The following TRPA1 variants were observed in gnomAD, a reference collection of about 807,000 sequenced individuals.
The protein encoded by TRPA1 is ankyrin-like with transmembrane domains 1.
TRPA1 carries 129 observed loss-of-function variants against 131.3 expected under a neutral mutation model. The observed-to-expected ratio is 0.98, with a 90% confidence interval of 0.85 to 1.14. The LOEUF (loss-of-function observed/expected upper bound fraction) is 1.14. Ranked by LOEUF, TRPA1 falls within the 50% of genes most tolerant of loss-of-function variation. The pLI is 0.00. For missense variants in TRPA1, 1,304 were observed against 1,354.2 expected, an observed-to-expected ratio of 0.96 and a Z score of 0.58; for synonymous variants, 441 against 451.7, an observed-to-expected ratio of 0.98 and a Z score of 0.30.
rs1251798374 is a variant in TRPA1 at position 72,057,956 on chromosome 8, A to G, written c.994-140T>C. ...ACTGAACCATACGACTAGTTATAGA[A>G]TTATTTGAAAGTTTCCCATAGTTCA... On this transcript the variant is annotated intron_variant, in intron 8 of 26. Coordinates refer to ENST00000262209, the MANE Select transcript of TRPA1 (RefSeq NM_007332.3). The G allele has an allele frequency of 7.5e-6, 5 of 664,672 alleles. No homozygotes were observed. In the African/African-American group the frequency reaches 9.1e-5, roughly 12 times the overall value. 41.2% of individuals were successfully genotyped at this position (664,672 alleles called of 1,614,324 possible).
chr8:72,040,812 CA>C (rs1424485987), intron 17 of TRPA1, among the ~76,000 whole-genome samples: 1 of 151,970 alleles, frequency 6.6e-6, no homozygotes, highest in Non-Finnish European at 1.5e-5. Flanking sequence ...GAAAAAGAGA[CA>C]AAAAGTCTAC....
Position 72,063,515 on chromosome 8 carries a change from G to T in TRPA1, c.609C>A (p.His203Gln). Residue 203 changes from histidine to glutamine, a missense_variant, in exon 5 of 27, where the codon CAC becomes CAA. By Grantham distance (24) the His-to-Gln change is conservative (BLOSUM62 0). Transcript: ENST00000262209. ...KSNKWGCFPI[H>Q]QAAFSGSKEC... ...CTTTGGAACCTGAAAATGCAGCTTG[G>T]TGAATAGGGAAACATCCCCATTTAT... 6.2e-7 allele frequency: 1 copy of T among 1,613,860 alleles called. No homozygotes were observed. The highest frequency in any genetic ancestry group is 8.5e-7 in the Non-Finnish European group (1 of 1,179,894).
intron 22 of TRPA1, among the ~76,000 whole-genome samples, 180 bp from the exon 23 acceptor site, chr8:72,034,006 C>G (rs899138051): frequency 2.6e-5 from 4 of 152,114 alleles, no homozygotes; most frequent in Admixed American, 1.3e-4. Flanking sequence ...AATATGTTAT[C>G]TGCATAAATA....
rs1554539977 is a variant in TRPA1 at position 72,071,834 on chromosome 8, T to C, written c.145A>G (p.Asn49Asp). The change falls in exon 2 of 27, where the codon AAC (asparagine) becomes GAC (aspartate). Residue 49 changes from asparagine to aspartate, a missense_variant. By Grantham distance (23) the Asn-to-Asp change is conservative. Transcript: ENST00000262209. ...TTTAATTTCTTTTGCTTATTAAAGTTTTGTAATCCATATGCACTTCCTTCA... is the reference window on the plus strand; with the variant it reads ...TTTAATTTCTTTTGCTTATTAAAGTCTTGTAATCCATATGCACTTCCTTCA... ...VFEGSAYGLQ[N>D]FNKQKKLKRC... 1.9e-6 allele frequency: 3 copies of C among 1,612,394 alleles called. No individual in the cohort carries two copies. The highest frequency in any genetic ancestry group is 8.5e-7 in the Non-Finnish European group (1 of 1,179,804).
intron 5 of TRPA1, 30 bp from the exon 6 acceptor site, chr8:72,062,974 A>T (rs1250380827): frequency 6.3e-7 from 1 of 1,584,410 alleles, no homozygotes; most frequent in Admixed American, 1.7e-5. Flanking sequence ...TCAACATAAC[A>T]AATATATAAA....
Position 72,065,521 on chromosome 8 carries a change from T to G in TRPA1, c.482A>C (p.Glu161Ala). The change falls in exon 4 of 27, where the codon GAA becomes GCA. Residue 161 changes from glutamate (E) to alanine (A), a missense_variant. Glu to Ala is a moderately radical substitution (Grantham distance 107, BLOSUM62 -1). Transcript: ENST00000262209. ...CACAGCTGTGTTTCCATTTTCTCCT[T>G]CCAAATTAACATCAATAGTTCTATG... is the stretch of plus-strand genomic sequence containing the variant. ...LEHRTIDVNL[E>A]GENGNTAVII... The G allele has an allele frequency of 6.2e-6, 10 of 1,613,492 alleles. No individual in the cohort carries two copies. The highest frequency in any genetic ancestry group is 8.5e-6 in the Non-Finnish European group (10 of 1,179,662).
chr8:72,038,785 T>G, intron 19 of TRPA1, 80 bp downstream of exon 19: 1 of 1,241,854 alleles, frequency 8.1e-7, no homozygotes, highest in Non-Finnish European at 1.1e-6. Flanking sequence ...ATATGTCAGA[T>G]TTATTATGGG....
chr8:72,049,151 C>T (rs1218239278), intron 15 of TRPA1, among the ~76,000 whole-genome samples: 2 of 92,002 alleles, frequency 2.2e-5, no homozygotes, highest in Non-Finnish European at 4.4e-5. Context: ...ACAGGAAGTC[C>T]TTGTTCAATA....
upstream of TRPA1, among the ~76,000 whole-genome samples, chr8:72,079,511 C>T (rs1291797047): frequency 6.6e-6 from 1 of 151,958 alleles, no homozygotes; most frequent in Non-Finnish European, 1.5e-5. Flanking sequence ...AATCAATTGA[C>T]TACAAATGTA....
intron 13 of TRPA1, chr8:72,053,270 T>C (rs1410427798): frequency 9.8e-6 from 2 of 203,538 alleles, no homozygotes; most frequent in African/African-American, 4.7e-5. Context: ...GTTTCTCCAC[T>C]TAAAGACTTT....
intron 24 of TRPA1, among the ~76,000 whole-genome samples, chr8:72,027,944 C>T (rs1452879102): frequency 2.0e-5 from 3 of 152,154 alleles, no homozygotes; most frequent in Non-Finnish European, 4.4e-5. Flanking sequence ...CCCACTGACA[C>T]TTTAGTTCAG....
At chr8:72,087,951 C>T in the TRPA1 span, among the ~76,000 whole-genome samples, 3 of 152,212 alleles carry the variant, frequency 2.0e-5, no homozygotes, top group African/African-American at 7.2e-5. Flanking sequence ...ATTCTGGGAA[C>T]AGGAGCTCCT....
rs774126077 is a variant in TRPA1, at chr8:72,061,411, G to A, written c.944+214C>T. Among the ~76,000 whole-genome samples the A allele has an allele frequency of 5.9e-5, 9 of 152,258 alleles. No homozygotes were observed. In the East Asian group the frequency reaches 1.7e-3, roughly 29 times the overall value. On this transcript the variant is annotated intron_variant, in intron 7 of 26. Coordinates refer to ENST00000262209, the MANE Select transcript of TRPA1 (RefSeq NM_007332.3). ...GGACTTGAATCAGAATATGCCACAG[G>A]TGATTTTATTTTGTGAAATTTCTTT...
At chr8:72,054,460 A>T (rs1386627379) in intron 12 of TRPA1, 1 of 153,762 alleles carries the variant, frequency 6.5e-6, no homozygotes, top group African/African-American at 2.4e-5. Context: ...TTCAAGATGT[A>T]AATACAACAA....
intron 12 of TRPA1, chr8:72,054,632 C>T (rs1805614667): frequency 6.6e-6 from 1 of 152,454 alleles, no homozygotes; most frequent in Admixed American, 6.5e-5. Context: ...GGGTCTACTT[C>T]GGTCCCCTTT....
intron 6 of TRPA1, among the ~76,000 whole-genome samples, 156 bp from the exon 7 acceptor site, chr8:72,061,917 T>C (rs867974395): frequency 1.3e-5 from 2 of 152,206 alleles, no homozygotes; most frequent in Admixed American, 6.5e-5. Context: ...TAGATATTCC[T>C]TGATTTTATG....
chr8:72,042,601 A>G (rs566589771), intron 17 of TRPA1, among the ~76,000 whole-genome samples: 17 of 152,050 alleles, frequency 1.1e-4, no homozygotes, highest in African/African-American at 4.1e-4. Flanking sequence ...TCTCAAAGAG[A>G]TATTTGTATA....
chr8:72,041,671 G>T (rs183712717), intron 17 of TRPA1, among the ~76,000 whole-genome samples: 52 of 151,902 alleles, frequency 3.4e-4, no homozygotes, highest in African/African-American at 1.2e-3. Flanking sequence ...CAAATGAAAT[G>T]AAAACATAAT....
At chr8:72,052,210 C>T (rs1805525965) in intron 14 of TRPA1, among the ~76,000 whole-genome samples, 1 of 152,024 alleles carries the variant, frequency 6.6e-6, no homozygotes, top group East Asian at 1.9e-4. Context: ...TCACTTGAGC[C>T]CAGGAGTTTG....
Sources: gnomAD v4.1 joint callset for allele counts (sites outside exome capture counted in the v4.1 genomes callset) on GRCh38, gnomAD v4.1.1 for gene constraint, MANE v1.5 for transcripts, NCBI Gene and HGNC (gene_info 2026-07-23, HGNC 2026-07-21) for gene names.